COL19A1: variants seen among roughly 807,000 people sequenced by gnomAD.
The protein encoded by COL19A1 is collagen type XIX alpha 1 chain.
A neutral mutation model predicts 190.2 loss-of-function variants in COL19A1; 159 were observed. That is an observed-to-expected ratio of 0.84 (90% CI 0.73 to 0.95). COL19A1 has a LOEUF of 0.95. COL19A1 is among the 40% of genes least tolerant of loss of function. COL19A1 has a pLI of 0.00. For missense variants in COL19A1, 1,418 were observed against 1,431.9 expected, an observed-to-expected ratio of 0.99 and a Z score of 0.16; for synonymous variants, 509 against 458.9, an observed-to-expected ratio of 1.11 and a Z score of -1.39.
chr6:70,089,660 T>G (rs1293623467), intron 15 of COL19A1, among the ~76,000 whole-genome samples: 2 of 152,192 alleles, frequency 1.3e-5, no homozygotes, highest in Non-Finnish European at 2.9e-5. Context: ...TTTCTAAATG[T>G]GATGACATAT....
At chr6:70,125,484 T>TA (rs1785141264) in intron 17 of COL19A1, among the ~76,000 whole-genome samples, 1 of 152,106 alleles carries the variant, frequency 6.6e-6, no homozygotes, top group Non-Finnish European at 1.5e-5. Context: ...TAGGAACTGA[T>TA]CTTTTCCTCT....
At chr6:70,040,840 T>A (rs555159315) in intron 14 of COL19A1, among the ~76,000 whole-genome samples, 1 of 152,308 alleles carries the variant, frequency 6.6e-6, no homozygotes, top group Non-Finnish European at 1.5e-5. Flanking sequence ...GAATTATACT[T>A]TTTGATATGA....
intron 49 of COL19A1, among the ~76,000 whole-genome samples, chr6:70,201,205 G>A (rs1483097189): frequency 6.6e-6 from 1 of 152,190 alleles, no homozygotes; most frequent in South Asian, 2.1e-4. Flanking sequence ...GGTGGTTTGA[G>A]AAGACAAGAA....
chr6:70,059,035 T>C (rs972740622), intron 14 of COL19A1, among the ~76,000 whole-genome samples: 1 of 152,118 alleles, frequency 6.6e-6, no homozygotes, highest in Non-Finnish European at 1.5e-5. Context: ...CAAAATTTTC[T>C]GTAAAAACAG....
rs147274229 is a variant in COL19A1, at chr6:70,007,214, A to G, written c.1027-16413A>G. ...TTATGAATCAAAGTTAATTTTTTGC[A>G]CATAGATATTTGCCATATCAATAAT... On this transcript the variant is annotated intron_variant, in intron 11 of 50. Coordinates refer to ENST00000620364, the MANE Select transcript of COL19A1 (RefSeq NM_001858.6). 2.0e-3 allele frequency among the ~76,000 whole-genome samples: 305 copies of G among 152,262 alleles called. 4 individuals are homozygous for G. In the East Asian group the frequency reaches 0.025, roughly 12 times the overall value.
intron 14 of COL19A1, among the ~76,000 whole-genome samples, chr6:70,061,476 T>C (rs1780824807): frequency 6.6e-6 from 1 of 152,116 alleles, no homozygotes; most frequent in Non-Finnish European, 1.5e-5. Context: ...AAGTGATTTA[T>C]GTATGTGAGT....
chr6:70,022,552 G>A (rs1052753297), intron 11 of COL19A1, among the ~76,000 whole-genome samples: 1 of 152,050 alleles, frequency 6.6e-6, no homozygotes, highest in Non-Finnish European at 1.5e-5. Context: ...CTATATGCAG[G>A]GTGGGACAAT....
At chr6:70,141,963 C>G in intron 21 of COL19A1, 35 bp downstream of exon 21, 2 of 1,609,988 alleles carry the variant, frequency 1.2e-6, no homozygotes, top group Non-Finnish European at 1.7e-6. Flanking sequence ...TCCTCTCCAA[C>G]CTTAATGAGA....
chr6:70,034,362 A>T, intron 13 of COL19A1, 64 bp downstream of exon 13: 1 of 1,220,752 alleles, frequency 8.2e-7, no homozygotes, highest in Admixed American at 1.7e-5. Flanking sequence ...CTATGCAGTG[A>T]CTTCTCATTG....
chr6:69,868,213 G>GA (rs5877228), intron 1 of COL19A1, among the ~76,000 whole-genome samples: 19,428 of 148,932 alleles, frequency 0.13, 1,498 homozygotes, highest in East Asian at 0.25. Flanking sequence ...AAAAAAAAAA[G>GA]AAAGAAAAGA....
intron 16 of COL19A1, among the ~76,000 whole-genome samples, chr6:70,116,458 T>C (rs1784584341): frequency 6.6e-6 from 1 of 152,216 alleles, no homozygotes; most frequent in African/African-American, 2.4e-5. Context: ...AAAGTTTTTG[T>C]TGCAACTGGG....
intron 16 of COL19A1, among the ~76,000 whole-genome samples, chr6:70,115,426 A>G (rs1310925015): frequency 6.6e-6 from 1 of 152,228 alleles, no homozygotes; most frequent in Non-Finnish European, 1.5e-5. Context: ...CACCCAAGAA[A>G]ATATAAGTGA....
At chr6:70,123,179 T>C (rs1784981399) in intron 17 of COL19A1, among the ~76,000 whole-genome samples, 1 of 152,092 alleles carries the variant, frequency 6.6e-6, no homozygotes, top group South Asian at 2.1e-4. Flanking sequence ...AAAGAAGACA[T>C]TTATGCAGCC....
intron 27 of COL19A1, among the ~76,000 whole-genome samples, chr6:70,147,328 G>C (rs1406503841): frequency 6.6e-6 from 1 of 152,150 alleles, no homozygotes; most frequent in Non-Finnish European, 1.5e-5. Flanking sequence ...TCTTCAGAGT[G>C]AAGAGATGAT....
chr6:69,996,599 AT>A lies in COL19A1; in HGVS notation c.1027-27021del, dbSNP rs577401671. On this transcript the variant is annotated intron_variant, in intron 11 of 50. Coordinates refer to ENST00000620364, the MANE Select transcript of COL19A1 (RefSeq NM_001858.6). The stretch of plus-strand genomic sequence containing the variant: ...CAGGTTAGTAGTACACTATACATGT[AT>A]TTTTTTAATGTTTAAATTTAAAACA... 3.9e-5 allele frequency among the ~76,000 whole-genome samples: 6 copies of A among 152,182 alleles called. No individual in the cohort carries two copies. The South Asian group carries it at 1.2e-3, about 32-fold the overall frequency.
At position 70,163,340 on chromosome 6, in the gene COL19A1, C is replaced by T. The variant is rs1471760522; in HGVS notation, c.2347-3C>T. 9.3e-6 allele frequency: 15 copies of T among 1,611,742 alleles called. No homozygotes were observed. Among genetic ancestry groups the T allele is most frequent in the Non-Finnish European group, 1.2e-5 (14 of 1,178,834 alleles). ...GTAACAAACTTAGTTTTGTGTTTTA[C>T]AGGGCTTAATGGGAAGAACTGGACA... On this transcript the variant is annotated splice_polypyrimidine_tract_variant and splice_region_variant and intron_variant, in intron 35 of 50. Coordinates refer to ENST00000620364, the MANE Select transcript of COL19A1 (RefSeq NM_001858.6).
At chr6:70,094,615 A>C (rs1238608789) in intron 15 of COL19A1, among the ~76,000 whole-genome samples, 1 of 152,220 alleles carries the variant, frequency 6.6e-6, no homozygotes, top group African/African-American at 2.4e-5. Context: ...CCAATAGTCC[A>C]TTATTTGCAT....
chr6:70,113,842 C>CTTTTTTTTTTTTTTTTTTTTTTTTTTTTT (rs34876942), intron 16 of COL19A1, among the ~76,000 whole-genome samples: 2 of 64,136 alleles, frequency 3.1e-5, no homozygotes, highest in Non-Finnish European at 5.3e-5. Context: ...CCAAGTCTTT[C>CTTTTTTTTTTTTTTTTTTTTTTTTTTTTT]TTTTTTTTTT....
At chr6:69,997,001 G>A (rs2150079787) in intron 11 of COL19A1, among the ~76,000 whole-genome samples, 1 of 127,440 alleles carries the variant, frequency 7.8e-6, no homozygotes, top group Non-Finnish European at 1.6e-5. Flanking sequence ...ATGTGTGTGT[G>A]TGTTTATATA....
Sources: gnomAD v4.1 joint callset for allele counts (sites outside exome capture counted in the v4.1 genomes callset) on GRCh38, gnomAD v4.1.1 for gene constraint, MANE v1.5 for transcripts, NCBI Gene and HGNC (gene_info 2026-07-23, HGNC 2026-07-21) for gene names.